The following IQCM variants were observed in gnomAD, a reference collection of about 807,000 sequenced individuals.
IQCM encodes the protein IQ domain-containing protein M.
IQCM carries 45 observed loss-of-function variants against 57.6 expected under a neutral mutation model. The ratio of observed to expected loss-of-function variants is 0.78; its 90% CI spans 0.62 to 1.00. The LOEUF (loss-of-function observed/expected upper bound fraction) is 1.00, where lower values mean the gene tolerates loss of function less well. Ranked by LOEUF, IQCM falls within the 50% of genes least tolerant of loss-of-function variation. IQCM has a pLI of 0.00. For synonymous variants in IQCM, 148 were observed against 158.9 expected, an observed-to-expected ratio of 0.93 and a Z score of 0.51; for missense variants, 468 against 511.6, an observed-to-expected ratio of 0.91 and a Z score of 0.82.
At chr4:149,796,490 T>C (rs1015687321) in intron 2 of IQCM, among the ~76,000 whole-genome samples, 4 of 152,156 alleles carry the variant, frequency 2.6e-5, no homozygotes, top group African/African-American at 9.6e-5. Context: ...GGGAACCTGC[T>C]GCCCTGAAGG....
chr4:149,397,935 C>A (rs917689850), intron 13 of IQCM, among the ~76,000 whole-genome samples: 1 of 151,862 alleles, frequency 6.6e-6, no homozygotes, highest in African/African-American at 2.4e-5. Context: ...TTAATGCAGT[C>A]CTATTTGTTT....
At chr4:149,778,590 T>A (rs1771324582) in intron 2 of IQCM, among the ~76,000 whole-genome samples, 1 of 151,896 alleles carries the variant, frequency 6.6e-6, no homozygotes, top group African/African-American at 2.4e-5. Flanking sequence ...ATTAATACAA[T>A]TGAGAAATCC....
At chr4:149,554,858 C>G (rs1443337085) in intron 10 of IQCM, among the ~76,000 whole-genome samples, 1 of 150,996 alleles carries the variant, frequency 6.6e-6, no homozygotes, top group Non-Finnish European at 1.5e-5. Flanking sequence ...CCCCACCACG[C>G]CCGGCTAATT....
intron 13 of IQCM, among the ~76,000 whole-genome samples, chr4:149,408,870 G>A (rs181011899): frequency 5.5e-4 from 84 of 152,202 alleles, no homozygotes; most frequent in African/African-American, 2.0e-3. Flanking sequence ...TGAAAGAAAA[G>A]GCAGGGAGGT....
intron 5 of IQCM, among the ~76,000 whole-genome samples, chr4:149,705,443 T>G (rs1764087072): frequency 6.6e-6 from 1 of 151,550 alleles, no homozygotes; most frequent in Non-Finnish European, 1.5e-5. Flanking sequence ...TGGCATTATT[T>G]TTTTAACTGG....
chr4:149,452,776 A>G (rs995256414), intron 12 of IQCM, among the ~76,000 whole-genome samples: 5 of 151,618 alleles, frequency 3.3e-5, no homozygotes, highest in African/African-American at 7.3e-5. Context: ...TTGAATAGGT[A>G]AAGTTTGTTA....
chr4:149,562,611 T>G (rs1238388934), intron 10 of IQCM, among the ~76,000 whole-genome samples: 2 of 152,214 alleles, frequency 1.3e-5, no homozygotes, highest in Admixed American at 6.5e-5. Context: ...CTGTTTGACT[T>G]TGGGCAAATA....
At position 149,735,861 on chromosome 4, in the gene IQCM, C is replaced by T. The variant is rs187969851; in HGVS notation, c.38-403G>A. Among the ~76,000 whole-genome samples, 319 of 151,950 alleles carry T rather than the reference C, an allele frequency of 2.1e-3. 1 individual carries two copies. The highest frequency in any genetic ancestry group is 3.7e-3 in the Non-Finnish European group (252 of 67,974). On this transcript the variant is annotated intron_variant, in intron 3 of 13. Transcript: ENST00000636793. ...AAAATTATAACTGTAAAATAAAATA[C>T]CTCAATAAATTTATTAAATAGAAGC...
At chr4:149,449,960 A>G (rs1357012308) in intron 12 of IQCM, among the ~76,000 whole-genome samples, 1 of 151,890 alleles carries the variant, frequency 6.6e-6, no homozygotes, top group African/African-American at 2.4e-5. Flanking sequence ...TTCAACTTAT[A>G]CTACACAGCT....
intron 12 of IQCM, among the ~76,000 whole-genome samples, chr4:149,446,516 G>T (rs1017606770): frequency 6.6e-6 from 1 of 151,708 alleles, no homozygotes; most frequent in Non-Finnish European, 1.5e-5. Flanking sequence ...GCACAGGCAT[G>T]TGGGAAAACT....
At chr4:149,405,832 T>C (rs962020927) in intron 13 of IQCM, among the ~76,000 whole-genome samples, 18 of 146,134 alleles carry the variant, frequency 1.2e-4, no homozygotes, top group Admixed American at 3.4e-4. Flanking sequence ...AAGGAGCATA[T>C]ATATATATAT....
chr4:149,401,691 T>A (rs1732630555), intron 13 of IQCM, among the ~76,000 whole-genome samples: 1 of 151,808 alleles, frequency 6.6e-6, no homozygotes, highest in South Asian at 2.1e-4. Flanking sequence ...AACATTACAT[T>A]TCAATGGTTA....
rs185017866 is a variant in IQCM, at chr4:149,636,661, G to C, written c.566-15417C>G. 2.2e-3 allele frequency among the ~76,000 whole-genome samples: 331 copies of C among 151,996 alleles called. 2 individuals carry two copies. Among genetic ancestry groups the C allele is most frequent in the African/African-American group, 7.6e-3 (315 of 41,476 alleles). ...ATCTTGCCTAAGATTTAAAAATAAGGCAGGAGGTCTATAATCACTGCTTCT... is the reference window on the plus strand; with the variant it reads ...ATCTTGCCTAAGATTTAAAAATAAGCCAGGAGGTCTATAATCACTGCTTCT... On this transcript the variant is annotated intron_variant, in intron 7 of 13. Coordinates refer to ENST00000636793, the MANE Select transcript of IQCM (RefSeq NM_001363507.2).
At chr4:149,424,203 A>G (rs540262134) in intron 13 of IQCM, among the ~76,000 whole-genome samples, 2 of 152,034 alleles carry the variant, frequency 1.3e-5, no homozygotes, top group Non-Finnish European at 2.9e-5. Context: ...TTTAAAATGT[A>G]AAACTATTTT....
chr4:149,403,652 C>T (rs1732776564), intron 13 of IQCM, among the ~76,000 whole-genome samples: 1 of 151,776 alleles, frequency 6.6e-6, no homozygotes, highest in Non-Finnish European at 1.5e-5. Flanking sequence ...TATGAATATG[C>T]CTGCCATTGC....
intron 7 of IQCM, among the ~76,000 whole-genome samples, chr4:149,660,726 G>A (rs1329090539): frequency 2.0e-5 from 3 of 151,548 alleles, no homozygotes; most frequent in African/African-American, 7.3e-5. Context: ...GTAAACTATC[G>A]CAAGGACAAA....
intron 7 of IQCM, among the ~76,000 whole-genome samples, chr4:149,628,002 G>C (rs935265499): frequency 2.0e-5 from 3 of 152,192 alleles, no homozygotes; most frequent in Non-Finnish European, 4.4e-5. Flanking sequence ...TTCTTCCCTA[G>C]CATCTCTGGA....
chr4:149,420,386 C>T (rs981042376), intron 13 of IQCM, among the ~76,000 whole-genome samples: 12 of 151,928 alleles, frequency 7.9e-5, no homozygotes, highest in African/African-American at 2.9e-4. Context: ...AACAGAAAAC[C>T]AAGTATTACA....
intron 12 of IQCM, among the ~76,000 whole-genome samples, chr4:149,505,899 C>T (rs190639688): frequency 1.3e-5 from 2 of 152,206 alleles, no homozygotes; most frequent in Non-Finnish European, 2.9e-5. Context: ...TGGCCTGAAG[C>T]CGTAAGCAGA....
Sources: gnomAD v4.1 joint callset for allele counts (sites outside exome capture counted in the v4.1 genomes callset) on GRCh38, gnomAD v4.1.1 for gene constraint, MANE v1.5 for transcripts, NCBI Gene and HGNC (gene_info 2026-07-23, HGNC 2026-07-21) for gene names.